CSMD1: variants seen among roughly 807,000 people sequenced by gnomAD.
The protein encoded by CSMD1 is CUB and sushi domain-containing protein 1.
Under a neutral mutation model 417.5 loss-of-function variants are expected in CSMD1, and 213 were observed. That is an observed-to-expected ratio of 0.51 (90% CI 0.46 to 0.57). The LOEUF is 0.57. Ranked by LOEUF, CSMD1 falls within the 20% of genes least tolerant of loss-of-function variation. The probability of loss-of-function intolerance (pLI) is 0.00; values close to 1 mark genes in which losing one functional copy is unlikely to be tolerated. For missense variants in CSMD1, 6,923 were observed against 4,529.7 expected (o/e 1.53, Z -15.17); for synonymous variants, 2,862 against 1,736.8 (o/e 1.65, Z -16.11).
chr8:4,632,859 C>G (rs1475252873), intron 2 of CSMD1, among the ~76,000 whole-genome samples: 1 of 152,022 alleles, frequency 6.6e-6, no homozygotes, highest in Non-Finnish European at 1.5e-5. Context: ...AGGGAGAGGC[C>G]GGGAATAAGA....
At chr8:3,834,187 A>T (rs150472786) in intron 5 of CSMD1, among the ~76,000 whole-genome samples, 1 of 152,054 alleles carries the variant, frequency 6.6e-6, no homozygotes, top group African/African-American at 2.4e-5. Context: ...TTCTATCAAC[A>T]GTTATTTTAA....
chr8:3,838,150 T>G (rs935862277), intron 5 of CSMD1, among the ~76,000 whole-genome samples: 7 of 152,122 alleles, frequency 4.6e-5, no homozygotes, highest in African/African-American at 1.7e-4. Flanking sequence ...AGTCCTATAC[T>G]AAGTATTGCA....
chr8:3,001,049 G>A (rs752384798), intron 52 of CSMD1, among the ~76,000 whole-genome samples: 3 of 151,358 alleles, frequency 2.0e-5, no homozygotes, highest in Admixed American at 6.6e-5. Context: ...GCACCATCAC[G>A]GCTCACCGTA....
At chr8:4,980,168 T>C (rs1810805184) in intron 1 of CSMD1, among the ~76,000 whole-genome samples, 1 of 152,028 alleles carries the variant, frequency 6.6e-6, no homozygotes, top group Non-Finnish European at 1.5e-5. Flanking sequence ...ACACAGAGAG[T>C]TCTGTGTCAC....
chr8:3,179,799 C>T (rs749786779), intron 37 of CSMD1, among the ~76,000 whole-genome samples: 4 of 152,214 alleles, frequency 2.6e-5, no homozygotes, highest in Non-Finnish European at 5.9e-5. Context: ...TTTCCAGACA[C>T]ATCCTACATA....
At chr8:4,376,659 C>A (rs562845187) in intron 3 of CSMD1, among the ~76,000 whole-genome samples, 1 of 152,166 alleles carries the variant, frequency 6.6e-6, no homozygotes, top group South Asian at 2.1e-4. Context: ...TATAGCCGTG[C>A]TCATATCACA....
At chr8:4,723,841 G>A (rs908775187) in intron 1 of CSMD1, among the ~76,000 whole-genome samples, 26 of 150,430 alleles carry the variant, frequency 1.7e-4, no homozygotes, top group Admixed American at 5.3e-4. Flanking sequence ...AATCATGGAG[G>A]ACCTTGTAAG....
In CSMD1 at chr8:2,979,112, T is replaced by C. The variant is rs1805186735; in HGVS notation, c.8378-312A>G. Among the ~76,000 whole-genome samples the C allele has an allele frequency of 3.9e-5, 6 of 152,250 alleles. No individual in the cohort carries two copies. The South Asian group carries it at 1.2e-3, about 31-fold the overall frequency. The stretch of plus-strand genomic sequence containing the variant: ...TGGTTAAGTTTTTGTGTTCTAATAA[T>C]GGTCAAATAGAACTAGCTGAGGTTC... On this transcript the variant is annotated intron_variant, in intron 54 of 69. Coordinates refer to ENST00000635120, the MANE Select transcript of CSMD1 (RefSeq NM_033225.6).
At chr8:3,668,075 T>G (rs1456296728) in intron 7 of CSMD1, among the ~76,000 whole-genome samples, 1 of 152,126 alleles carries the variant, frequency 6.6e-6, no homozygotes, top group Non-Finnish European at 1.5e-5. Flanking sequence ...CTCAATCAGG[T>G]GCAGTCATTC....
chr8:4,102,116 A>C (rs1470581784), intron 3 of CSMD1, among the ~76,000 whole-genome samples: 1 of 152,228 alleles, frequency 6.6e-6, no homozygotes, highest in Non-Finnish European at 1.5e-5. Flanking sequence ...GAAACAAATA[A>C]GAAATATATA....
chr8:2,996,628 C>A (rs1585115401), intron 54 of CSMD1, among the ~76,000 whole-genome samples: 1 of 152,206 alleles, frequency 6.6e-6, no homozygotes, highest in African/African-American at 2.4e-5. Flanking sequence ...CTGCTCCATA[C>A]TTCCTAAAAC....
Position 3,558,567 on chromosome 8 carries a change from T to G in CSMD1, c.1344+16378A>C, listed in dbSNP as rs1799306129. 2.7e-5 allele frequency among the ~76,000 whole-genome samples: 4 copies of G among 147,438 alleles called. No homozygotes were observed. In the South Asian group the frequency reaches 8.7e-4, roughly 32 times the overall value. On this transcript the variant is annotated intron_variant, in intron 10 of 69. Transcript: ENST00000635120. The stretch of plus-strand genomic sequence containing the variant: ...TGTCTCAATGGTACCCCGTGTCCAC[T>G]CCTGCAATGATGAATGGTGTCTCAA...
chr8:3,748,701 T>G (rs550793234), intron 6 of CSMD1, among the ~76,000 whole-genome samples: 6 of 152,312 alleles, frequency 3.9e-5, no homozygotes, highest in South Asian at 2.1e-4. Flanking sequence ...TTATCCAAAT[T>G]AGAATTAACC....
intron 1 of CSMD1, among the ~76,000 whole-genome samples, chr8:4,744,734 C>T (rs1810842469): frequency 6.6e-6 from 1 of 152,068 alleles, no homozygotes; most frequent in South Asian, 2.1e-4. Flanking sequence ...GATAATTATA[C>T]TAATTAGTGT....
rs112693561 is a variant in CSMD1, at chr8:4,568,024, C to A, written c.302+69318G>T. On this transcript the variant is annotated intron_variant, in intron 2 of 69. Transcript: ENST00000635120. ...TCACAGGGCTGGATCAGAGCCCATT[C>A]TAAAATGTGCTTATTGCATGTGGAC... 4.9e-3 allele frequency among the ~76,000 whole-genome samples: 749 copies of A among 152,248 alleles called. 5 individuals carry two copies. The highest frequency in any genetic ancestry group is 0.018 in the African/African-American group (731 of 41,542).
chr8:4,895,468 T>C (rs774942053), intron 1 of CSMD1, among the ~76,000 whole-genome samples: 6 of 152,284 alleles, frequency 3.9e-5, no homozygotes, highest in African/African-American at 7.2e-5. Flanking sequence ...TGCTTTATCA[T>C]TGGCATTTGT....
At chr8:4,039,763 G>T (rs1275098241) in intron 3 of CSMD1, among the ~76,000 whole-genome samples, 3 of 152,196 alleles carry the variant, frequency 2.0e-5, no homozygotes, top group Non-Finnish European at 4.4e-5. Context: ...GGGGGAAGTC[G>T]TTGTGGCAAG....
chr8:4,009,744 C>T lies in CSMD1; in HGVS notation c.611-11634G>A, dbSNP rs117502479. 2.4e-4 allele frequency among the ~76,000 whole-genome samples: 36 copies of T among 152,236 alleles called. No individual in the cohort carries two copies. The East Asian group carries it at 6.8e-3, about 29-fold the overall frequency. On this transcript the variant is annotated intron_variant, in intron 4 of 69. Transcript: ENST00000635120. ...GGATGTACCTACCTCCACAGGCGCTCACTCCTCCAGGAGCCAGAATGAAAG... is the reference window on the plus strand; with the variant it reads ...GGATGTACCTACCTCCACAGGCGCTTACTCCTCCAGGAGCCAGAATGAAAG...
intron 12 of CSMD1, among the ~76,000 whole-genome samples, chr8:3,426,621 C>A (rs76692982): frequency 0.012 from 1,844 of 152,272 alleles, 19 homozygotes; most frequent in Non-Finnish European, 0.018. Flanking sequence ...TTGACACTGC[C>A]ACTTTCAAGG....
Sources: gnomAD v4.1 joint callset for allele counts (sites outside exome capture counted in the v4.1 genomes callset) on GRCh38, gnomAD v4.1.1 for gene constraint, MANE v1.5 for transcripts, NCBI Gene and HGNC (gene_info 2026-07-23, HGNC 2026-07-21) for gene names.